SYNRG: variants seen among roughly 807,000 people sequenced by gnomAD.
The protein encoded by SYNRG is synergin gamma.
SYNRG carries 37 observed loss-of-function variants against 130.9 expected under a neutral mutation model. That is an observed-to-expected ratio of 0.28 (90% CI 0.22 to 0.37). The LOEUF (loss-of-function observed/expected upper bound fraction) is 0.37, where lower values mean the gene tolerates loss of function less well. SYNRG is among the 10% of genes least tolerant of loss of function. SYNRG has a pLI of 1.00. For missense variants in SYNRG, 1,338 were observed against 1,588.9 expected (o/e 0.84, Z 2.68); for synonymous variants, 539 against 568.1 (o/e 0.95, Z 0.73).
Position 37,600,361 on chromosome 17 carries a change from A to C in SYNRG, c.118+2T>G. The C allele has an allele frequency of 1.2e-6, 2 of 1,604,932 alleles. No individual in the cohort carries two copies. Among genetic ancestry groups the C allele is most frequent in the Non-Finnish European group, 1.7e-6 (2 of 1,177,360 alleles). ...AAGTTCAAAACTTAAGCTCTCACAT[A>C]CCTTGAGGGGGTCTTATCCCACCTG... On this transcript the variant is annotated splice_donor_variant, in intron 2 of 21. Coordinates refer to ENST00000612223, the MANE Select transcript of SYNRG (RefSeq NM_007247.6). LOFTEE classifies it high-confidence loss of function.
chr17:37,604,666 G>A (rs118066205), intron 1 of SYNRG, among the ~76,000 whole-genome samples: 1 of 152,266 alleles, frequency 6.6e-6, no homozygotes, highest in East Asian at 1.9e-4. Context: ...TCACAACTTA[G>A]TTAACTGGTG....
At chr17:37,544,261 A>C (rs2058054921) in intron 14 of SYNRG, among the ~76,000 whole-genome samples, 1 of 145,888 alleles carries the variant, frequency 6.9e-6, no homozygotes, top group African/African-American at 2.5e-5. Flanking sequence ...TACCCTTCAA[A>C]TGTGGTTTAT....
At chr17:37,577,220 T>C (rs1322584013) in intron 7 of SYNRG, among the ~76,000 whole-genome samples, 160 bp downstream of exon 7, 1 of 152,114 alleles carries the variant, frequency 6.6e-6, no homozygotes, top group African/African-American at 2.4e-5. Context: ...GAGCAAAATC[T>C]TAGGGGTTAA....
intron 1 of SYNRG, among the ~76,000 whole-genome samples, chr17:37,601,631 C>A (rs1598664813): frequency 6.6e-6 from 1 of 152,134 alleles, no homozygotes; most frequent in African/African-American, 2.4e-5. Flanking sequence ...TAAGAAAGCT[C>A]TCTTCTAAGG....
chr17:37,607,955 CAA>C (rs67822733), intron 1 of SYNRG, among the ~76,000 whole-genome samples: 3,890 of 50,922 alleles, frequency 0.076, 167 homozygotes, highest in African/African-American at 0.2. Context: ...GACTTCCTCT[CAA>C]AAAAAAAAAA....
rs565682185 is a variant in SYNRG at position 37,544,308 on chromosome 17, T to G, written c.2609-1743A>C. Among the ~76,000 whole-genome samples the G allele has an allele frequency of 3.9e-4, 59 of 152,042 alleles. No homozygotes were observed. The South Asian group carries it at 0.011, about 28-fold the overall frequency. ...AAAAAACGACTCAGGTGAAAAGTTTTTTTTTTTTTTTAATTGATTTTTTGA... is the reference window on the plus strand; with the variant it reads ...AAAAAACGACTCAGGTGAAAAGTTTGTTTTTTTTTTTAATTGATTTTTTGA... On this transcript the variant is annotated intron_variant, in intron 14 of 21. Coordinates refer to ENST00000612223, the MANE Select transcript of SYNRG (RefSeq NM_007247.6).
At chr17:37,599,177 C>A (rs1042791946) in intron 2 of SYNRG, among the ~76,000 whole-genome samples, 4 of 152,102 alleles carry the variant, frequency 2.6e-5, no homozygotes, top group African/African-American at 9.7e-5. Context: ...TTAAGAAGAG[C>A]CAGTTTTCAG....
intron 1 of SYNRG, among the ~76,000 whole-genome samples, chr17:37,605,206 T>G (rs1422842319): frequency 6.6e-6 from 1 of 152,234 alleles, no homozygotes; most frequent in East Asian, 1.9e-4. Context: ...ATTCAGTTTT[T>G]AAAGACATTA....
intron 13 of SYNRG, among the ~76,000 whole-genome samples, chr17:37,557,464 A>C (rs1480164771): frequency 6.6e-6 from 1 of 152,246 alleles, no homozygotes; most frequent in East Asian, 1.9e-4. Context: ...GGAAAATAAA[A>C]TCTATTCTCC....
intron 3 of SYNRG, among the ~76,000 whole-genome samples, chr17:37,592,317 T>C (rs1299883692): frequency 1.3e-5 from 2 of 152,192 alleles, no homozygotes; most frequent in East Asian, 1.9e-4. Flanking sequence ...GGATGCAGTA[T>C]AATTGAACCT....
intron 9 of SYNRG, 125 bp from the exon 10 acceptor site, chr17:37,571,010 A>G: frequency 3.1e-6 from 4 of 1,273,698 alleles, no homozygotes; most frequent in Non-Finnish European, 4.3e-6. Flanking sequence ...CTCAAAACTC[A>G]TGAATTTGAT....
intron 2 of SYNRG, 28 bp downstream of exon 2, chr17:37,600,335 A>C (rs1189348793): frequency 6.4e-7 from 1 of 1,557,732 alleles, no homozygotes; most frequent in Non-Finnish European, 8.6e-7. Flanking sequence ...GTGAAAAATA[A>C]AAGTTCAAAA....
chr17:37,609,250 C>T (rs1034728331), intron 1 of SYNRG, 29 bp downstream of exon 1: 1 of 1,411,938 alleles, frequency 7.1e-7, no homozygotes, highest in Non-Finnish European at 9.2e-7. Context: ...CGGAGGCCAG[C>T]GGGCTCCCGC....
At chr17:37,595,459 C>T (rs1439896273) in intron 3 of SYNRG, among the ~76,000 whole-genome samples, 1 of 152,096 alleles carries the variant, frequency 6.6e-6, no homozygotes, top group Non-Finnish European at 1.5e-5. Flanking sequence ...TGCACATGGA[C>T]ATAAAGACAG....
chr17:37,602,574 T>C (rs989248316), intron 1 of SYNRG, among the ~76,000 whole-genome samples: 1 of 152,100 alleles, frequency 6.6e-6, no homozygotes, highest in Non-Finnish European at 1.5e-5. Context: ...AGAATGAAGA[T>C]TAAAAAATAA....
chr17:37,560,819 C>T (rs2059471435), intron 13 of SYNRG, among the ~76,000 whole-genome samples: 1 of 151,552 alleles, frequency 6.6e-6, no homozygotes, highest in Non-Finnish European at 1.5e-5. Context: ...TGCGCACCAT[C>T]ACACCCGGCT....
chr17:37,608,919 G>A (rs763829930), intron 1 of SYNRG, among the ~76,000 whole-genome samples: 1 of 152,198 alleles, frequency 6.6e-6, no homozygotes, highest in Non-Finnish European at 1.5e-5. Flanking sequence ...CCCAAGGAAA[G>A]GGAAGACCCT....
intron 3 of SYNRG, among the ~76,000 whole-genome samples, chr17:37,595,879 C>T (rs576892514): frequency 5.3e-5 from 8 of 151,936 alleles, no homozygotes; most frequent in African/African-American, 1.7e-4. Flanking sequence ...CTCAGCCTCC[C>T]GAGTAGCTGG....
Position 37,553,646 on chromosome 17 carries a change from C to T in SYNRG, c.2077G>A (p.Asp693Asn). The change falls in exon 14 of 22, where the codon GAT (aspartate) becomes AAT (asparagine). Residue 693 changes from aspartate (D) to asparagine (N), a missense_variant. Asp to Asn is a conservative substitution (Grantham distance 23). Around this residue, in one of 3 missense-constraint regions of SYNRG, gnomAD observed 1,146 missense variants for 1,342.3 expected, o/e 0.85. Coordinates refer to ENST00000612223, the MANE Select transcript of SYNRG (RefSeq NM_007247.6). ...APVGEQDDFA[D>N]FMAFSNSSIS... ...GAGCTATTACTGAAAGCCATAAAAT[C>T]TGCAAAGTCATCCTGCTCCCCAACA... 2 of 1,614,018 alleles carry T rather than the reference C, an allele frequency of 1.2e-6. No homozygotes were observed. Among genetic ancestry groups the T allele is most frequent in the South Asian group, 1.1e-5 (1 of 91,040 alleles).
Sources: gnomAD v4.1 joint callset for allele counts (sites outside exome capture counted in the v4.1 genomes callset) on GRCh38, gnomAD v4.1.1 for gene constraint, gnomAD v4.1.1 regional missense constraint, MANE v1.5 for transcripts, NCBI Gene and HGNC (gene_info 2026-07-23, HGNC 2026-07-21) for gene names.